Variants in FAM217B observed in about 807,000 individuals in gnomAD.
The protein encoded by FAM217B is family with sequence similarity 217 member B, also known as protein FAM217B.
For synonymous variants in FAM217B, 163 were observed against 173.0 expected, an observed-to-expected ratio of 0.94 and a Z score of 0.45; for missense variants, 463 against 456.9, an observed-to-expected ratio of 1.01 and a Z score of -0.12.
upstream of FAM217B, chr20:59,937,959 TATAA>T (rs1460591024): frequency 6.6e-6 from 1 of 152,242 alleles, no homozygotes; most frequent in East Asian, 1.9e-4. Flanking sequence ...AATTTAAAAG[TATAA>T]ATATTTGTCA....
At chr20:59,939,361 C>T (rs1339609497), upstream of FAM217B, 2 of 1,610,752 alleles carry the variant, frequency 1.2e-6, no homozygotes, top group South Asian at 1.1e-5. Flanking sequence ...CGCACCGTAC[C>T]GCTGATGCCA....
chr20:59,939,114 C>T (rs1196076481), upstream of FAM217B: 3 of 1,603,200 alleles, frequency 1.9e-6, no homozygotes, highest in East Asian at 2.2e-5. Context: ...GCTGTAGTCT[C>T]GGTGGTCGTT....
upstream of FAM217B, chr20:59,940,012 G>A (rs1313331037): frequency 2.6e-6 from 3 of 1,153,656 alleles, no homozygotes; most frequent in Admixed American, 4.2e-5. Flanking sequence ...GTGCTCAGAA[G>A]CCGCAGAGAG....
rs1445228610 is a variant in FAM217B, at chr20:59,944,937, A to C, written c.994A>C (p.Ile332Leu). ...TCGAGTTCCCAAACAGGCAGCTGTG[A>C]TTCTGGACTCAGCAGATTCCTGTAA... is the stretch of plus-strand genomic sequence containing the variant. ...HIRVPKQAAV[I>L]LDSADSCKAS... The change falls in exon 4 of 4, where the codon ATT becomes CTT. Residue 332 changes from isoleucine (I) to leucine (L), a missense_variant. Ile to Leu is a conservative substitution (Grantham distance 5, BLOSUM62 2). Transcript: ENST00000360816. 1.2e-6 allele frequency: 2 copies of C among 1,614,236 alleles called. No individual in the cohort carries two copies. The highest frequency in any genetic ancestry group is 2.2e-5 in the East Asian group (1 of 44,882).
rs1375295728 is a variant in FAM217B, at chr20:59,944,648, A to G, written c.705A>G (p.Leu235=). 5 of 1,614,072 alleles carry G rather than the reference A, an allele frequency of 3.1e-6. No individual in the cohort carries two copies. Among genetic ancestry groups the G allele is most frequent in the Non-Finnish European group, 4.2e-6 (5 of 1,180,000 alleles). Residue 235 remains leucine, a synonymous_variant, in exon 4 of 4, where the codon CTA becomes CTG. Transcript: ENST00000360816. ...KLIASALSKP[L]PHQEGASKSG... ...TTGCTAGTGCTCTGTCCAAGCCACTACCTCACCAGGAAGGGGCTTCAAAGT... is the reference window on the plus strand; with the variant it reads ...TTGCTAGTGCTCTGTCCAAGCCACTGCCTCACCAGGAAGGGGCTTCAAAGT...
rs377074437 is a variant in FAM217B at position 59,944,914 on chromosome 20, G to C, written c.971G>C (p.Arg324Pro). Reference sequence around the variant, plus strand: ...AAGGTGGAAACCAGCGGTCACATTCGAGTTCCCAAACAGGCAGCTGTGATT... The same window carrying C: ...AAGGTGGAAACCAGCGGTCACATTCCAGTTCCCAAACAGGCAGCTGTGATT... Reference protein sequence around the residue: ...SSKVETSGHIRVPKQAAVILD... With the variant: ...SSKVETSGHIPVPKQAAVILD... Residue 324 changes from arginine to proline, a missense_variant, in exon 4 of 4, where the codon CGA becomes CCA. Arg to Pro is a moderately radical substitution (Grantham distance 103, BLOSUM62 -2). Transcript: ENST00000360816. 46 of 1,614,160 alleles carry C rather than the reference G, an allele frequency of 2.8e-5. No homozygotes were observed. Among genetic ancestry groups the C allele is most frequent in the Non-Finnish European group, 3.8e-5 (45 of 1,180,034 alleles).
Position 59,944,643 on chromosome 20 carries a change from C to T in FAM217B, c.700C>T (p.Pro234Ser). The T allele has an allele frequency of 6.2e-7, 1 of 1,614,098 alleles. No homozygotes were observed. The highest frequency in any genetic ancestry group is 8.5e-7 in the Non-Finnish European group (1 of 1,180,004). ...SKLIASALSKPLPHQEGASKS... is the reference protein window; with the variant it reads ...SKLIASALSKSLPHQEGASKS... ...GCTAATTGCTAGTGCTCTGTCCAAG[C>T]CACTACCTCACCAGGAAGGGGCTTC... The change falls in exon 4 of 4, where the codon CCA becomes TCA. Residue 234 changes from proline to serine, a missense_variant. Coordinates refer to ENST00000360816, the MANE Select transcript of FAM217B (RefSeq NM_022106.3).
Position 59,944,576 on chromosome 20 carries a change from C to T in FAM217B, c.633C>T (p.Ala211=). The T allele has an allele frequency of 1.2e-6, 2 of 1,613,940 alleles. No individual in the cohort carries two copies. The highest frequency in any genetic ancestry group is 1.7e-6 in the Non-Finnish European group (2 of 1,179,988). ...GGGGCAAAGCAAGGCCCCCCACTGC[C>T]CCTGGGACCTCAGGGGCACTGAAAA... ...AKGGKARPPT[A]PGTSGALKSP... Residue 211 remains alanine, a synonymous_variant, in exon 4 of 4, where the codon GCC becomes GCT. Coordinates refer to ENST00000360816, the MANE Select transcript of FAM217B (RefSeq NM_022106.3).
At chr20:59,934,091 G>T (rs1055211454) in intron 1 of FAM217B, among the ~76,000 whole-genome samples, 63 of 152,250 alleles carry the variant, frequency 4.1e-4, no homozygotes, top group African/African-American at 1.5e-3. Flanking sequence ...CGCGGCTCCA[G>T]CCAGCCCTGC....
rs1434128297 is a variant in FAM217B, at chr20:59,948,197, T to C, written c.*3102T>C. On this transcript the variant is annotated 3_prime_UTR_variant, in exon 4 of 4. Transcript: ENST00000360816. ...GTTTAGACTTTCTCAACTTCTTAGA[T>C]GACTAAATGGGCTGAAGACTTGTAA... 2 of 167,030 alleles carry C rather than the reference T, an allele frequency of 1.2e-5. No individual in the cohort carries two copies. Among genetic ancestry groups the C allele is most frequent in the Non-Finnish European group, 2.9e-5 (2 of 68,098 alleles). The allele number at this position is 167,030 out of a possible 1,614,324, so 10.3% of individuals were successfully genotyped here. A position where few individuals can be genotyped will look rare whatever the true frequency, so the allele number is the denominator to read the frequency against.
chr20:59,935,886 G>C (rs2060859517), upstream of FAM217B, among the ~76,000 whole-genome samples: 1 of 152,198 alleles, frequency 6.6e-6, no homozygotes, highest in South Asian at 2.1e-4. Flanking sequence ...CATTGACTTT[G>C]AAACAGGTTT....
upstream of FAM217B, chr20:59,939,222 G>A: frequency 6.2e-7 from 1 of 1,611,066 alleles, no homozygotes; most frequent in East Asian, 2.2e-5. Flanking sequence ...AAAGCCGAAG[G>A]TGAAAACGTC....
At chr20:59,938,932 G>T, upstream of FAM217B, 1 of 1,191,296 alleles carries the variant, frequency 8.4e-7, no homozygotes. Context: ...GGACTTGGAG[G>T]GTGGTGAAGA....
At chr20:59,939,053 C>A (rs551576143), upstream of FAM217B, 3 of 1,548,356 alleles carry the variant, frequency 1.9e-6, no homozygotes, top group South Asian at 1.2e-5. Flanking sequence ...GGATCCAGCT[C>A]TCTTCGCACT....
chr20:59,939,461 G>A (rs755158732), upstream of FAM217B: 29 of 1,611,786 alleles, frequency 1.8e-5, no homozygotes, highest in Admixed American at 3.8e-4. Context: ...GCGGGAAATC[G>A]GGCACCAGGC....
rs937609251 is a variant in FAM217B at position 59,945,132 on chromosome 20, C to T, written c.*37C>T. 4 of 1,478,068 alleles carry T rather than the reference C, an allele frequency of 2.7e-6. No homozygotes were observed. The highest frequency in any genetic ancestry group is 4.8e-5 in the Admixed American group (2 of 41,390). The allele number at this position is 1,478,068 out of a possible 1,614,324, so 91.6% of individuals were successfully genotyped here. On this transcript the variant is annotated 3_prime_UTR_variant, in exon 4 of 4. Coordinates refer to ENST00000360816, the MANE Select transcript of FAM217B (RefSeq NM_022106.3). ...GCTGAATTGCCAAGACCTGCAGGTA[C>T]CTCAATGTTAGAGCGCTTCCAAAAG...
At position 59,946,351 on chromosome 20, in the gene FAM217B, A is replaced by G. The variant is rs2060937068; in HGVS notation, c.*1256A>G. On this transcript the variant is annotated 3_prime_UTR_variant, in exon 4 of 4. Coordinates refer to ENST00000360816, the MANE Select transcript of FAM217B (RefSeq NM_022106.3). ...TTTTATCCCTTTAAACAATTACTGT[A>G]TTTGTTTTTGACGTAGAGGTTTCAA... 6.0e-6 allele frequency: 1 copy of G among 166,922 alleles called. No homozygotes were observed. The highest frequency in any genetic ancestry group is 2.4e-5 in the African/African-American group (1 of 41,394). The allele number at this position is 166,922 out of a possible 1,614,324, so 10.3% of individuals were successfully genotyped here.
chr20:59,944,363 C>T lies in FAM217B; in HGVS notation c.420C>T (p.Tyr140=), dbSNP rs747050326. 21 of 1,613,988 alleles carry T rather than the reference C, an allele frequency of 1.3e-5. No individual in the cohort carries two copies. Among genetic ancestry groups the T allele is most frequent in the South Asian group, 9.9e-5 (9 of 91,086 alleles). Residue 140 remains tyrosine (Y), a synonymous_variant, in exon 4 of 4, where the codon TAC becomes TAT. Transcript: ENST00000360816. ...GTCAGGGCCATACAAAACCTGAATACTATTATCCTAATTTCCTTCCATCCC... is the reference window on the plus strand; with the variant it reads ...GTCAGGGCCATACAAAACCTGAATATTATTATCCTAATTTCCTTCCATCCC... ...HPGQGHTKPE[Y]YYPNFLPSPF...
chr20:59,943,609 T>G (rs1233588364), intron 3 of FAM217B, among the ~76,000 whole-genome samples: 1 of 149,446 alleles, frequency 6.7e-6, no homozygotes, highest in Non-Finnish European at 1.5e-5. Context: ...CAAACTAATG[T>G]TTTTTTTTTA....
Sources: gnomAD v4.1 joint callset for allele counts (sites outside exome capture counted in the v4.1 genomes callset) on GRCh38, gnomAD v4.1.1 for gene constraint, MANE v1.5 for transcripts, NCBI Gene and HGNC (gene_info 2026-07-23, HGNC 2026-07-21) for gene names.